Variants in HIPK3 observed in about 807,000 individuals in gnomAD.
The protein encoded by HIPK3 is homeodomain-interacting protein kinase 3.
A neutral mutation model predicts 124.2 loss-of-function variants in HIPK3; 47 were observed. The ratio of observed to expected loss-of-function variants is 0.38; its 90% confidence interval spans 0.30 to 0.48. The LOEUF (loss-of-function observed/expected upper bound fraction) is 0.48. Among genes scored for constraint, HIPK3 ranks in the 20% least tolerant of loss-of-function variants. HIPK3 has a pLI of 0.98. For missense variants in HIPK3, 1,286 were observed against 1,454.3 expected (o/e 0.88, Z 1.88); for synonymous variants, 482 against 515.2 (o/e 0.94, Z 0.87).
At chr11:33,284,980 G>C (rs1851509954) in intron 1 of HIPK3, among the ~76,000 whole-genome samples, 1 of 152,198 alleles carries the variant, frequency 6.6e-6, no homozygotes, top group African/African-American at 2.4e-5. Context: ...AGTTCCTATA[G>C]ATAGGTCAGC....
At chr11:33,310,286 T>TATCTATCTATCTATCTATC (rs1251002056) in intron 2 of HIPK3, among the ~76,000 whole-genome samples, 13 of 150,628 alleles carry the variant, frequency 8.6e-5, no homozygotes, top group Non-Finnish European at 1.9e-4. Flanking sequence ...CTATCTTATC[T>TATCTATCTATCTATCTATC]ATCTATCTAT....
At chr11:33,267,687 G>C (rs1466639972) in intron 1 of HIPK3, among the ~76,000 whole-genome samples, 1 of 151,008 alleles carries the variant, frequency 6.6e-6, no homozygotes, top group Non-Finnish European at 1.5e-5. Context: ...TAGTAGAGAT[G>C]GGGTTTCACT....
chr11:33,322,871 ATAT>A (rs1852705971), intron 2 of HIPK3, among the ~76,000 whole-genome samples: 1 of 152,076 alleles, frequency 6.6e-6, no homozygotes, highest in African/African-American at 2.4e-5. Context: ...TCCTTTTTGA[ATAT>A]ATGTTCCATC....
In HIPK3 at chr11:33,348,635, A is replaced by T. The variant is rs969330215; in HGVS notation, c.2483A>T (p.Asn828Ile). 2 of 1,614,092 alleles carry T rather than the reference A, an allele frequency of 1.2e-6. No homozygotes were observed. The highest frequency in any genetic ancestry group is 1.3e-5 in the African/African-American group (1 of 74,938). The change falls in exon 13 of 17, where the codon AAC becomes ATC. Residue 828 changes from asparagine (N) to isoleucine (I), a missense_variant. Physicochemically the swap from Asn to Ile is moderately radical, Grantham distance 149. This residue lies in a region of HIPK3 where 810 missense variants were observed against 864.9 expected (regional missense o/e 0.94). Transcript: ENST00000303296. ...TGTATAGAAACACAGGACAATCAGA[A>T]CTCAGAAGGAGAGGCAAGAAATTGC... ...VSCIETQDNQ[N>I]SEGEARNCCE...
At position 33,353,767 on chromosome 11, in the gene HIPK3, C is replaced by G; in HGVS notation, c.*199C>G. The G allele has an allele frequency of 1.9e-6, 1 of 535,876 alleles. No homozygotes were observed. Among genetic ancestry groups the G allele is most frequent in the Non-Finnish European group, 3.4e-6 (1 of 297,700 alleles). The allele number at this position is 535,876 out of a possible 1,614,324, so 33.2% of individuals were successfully genotyped here. A position where few individuals can be genotyped will look rare whatever the true frequency, so the allele number is the denominator to read the frequency against. ...TATAACTTGTCTTTGGTCATGTTAT[C>G]TTCTTATGTAGTAACTCTAGACAGG... On this transcript the variant is annotated 3_prime_UTR_variant, in exon 17 of 17. Transcript: ENST00000303296.
rs1853567173 is a variant in HIPK3 at position 33,348,609 on chromosome 11, T to TCGAGGA, written c.2457_2458insCGAGGA (p.Ser819_Cys820insArgGly). ...ATGGGAAAGATGTCGAGGAAGTAAG[T>TCGAGGA]TGTATAGAAACACAGGACAATCAGA... On this transcript the variant is annotated inframe_insertion, in exon 13 of 17. Coordinates refer to ENST00000303296, the MANE Select transcript of HIPK3 (RefSeq NM_005734.5). 1 of 1,613,930 alleles carries TCGAGGA rather than the reference T, an allele frequency of 6.2e-7. No individual in the cohort carries two copies. Among genetic ancestry groups the TCGAGGA allele is most frequent in the African/African-American group, 1.3e-5 (1 of 74,946 alleles).
chr11:33,343,317 GT>G (rs1184817696), intron 8 of HIPK3, among the ~76,000 whole-genome samples: 3 of 150,262 alleles, frequency 2.0e-5, no homozygotes, highest in African/African-American at 7.4e-5. Flanking sequence ...GTCTTGCTCT[GT>G]TGCCCAGGCT....
chr11:33,265,637 GGTGGTGTGCACCT>G (rs1850934333), intron 1 of HIPK3, among the ~76,000 whole-genome samples: 1 of 151,886 alleles, frequency 6.6e-6, no homozygotes, highest in African/African-American at 2.4e-5. Context: ...AGCTGGGCAT[GGTGGTGTGCACCT>G]GTAGCCCCAG....
At chr11:33,267,163 C>G (rs1850988935) in intron 1 of HIPK3, among the ~76,000 whole-genome samples, 1 of 151,958 alleles carries the variant, frequency 6.6e-6, no homozygotes, top group Non-Finnish European at 1.5e-5. Flanking sequence ...TGCTCTGTCC[C>G]CCAGGCTAGA....
intron 2 of HIPK3, among the ~76,000 whole-genome samples, chr11:33,316,544 TG>T (rs1852509111): frequency 1.3e-5 from 2 of 152,286 alleles, no homozygotes; most frequent in South Asian, 4.1e-4. Context: ...TGTTCCTGGC[TG>T]GGCATGGTGG....
intron 2 of HIPK3, among the ~76,000 whole-genome samples, chr11:33,297,939 A>C (rs1851887630): frequency 6.6e-6 from 1 of 151,832 alleles, no homozygotes; most frequent in Non-Finnish European, 1.5e-5. Flanking sequence ...ACAGGGGCGC[A>C]CTACCATGCC....
rs1169498647 is a variant in HIPK3 at position 33,257,666 on chromosome 11, G to GAGC, written c.-207_-205dup. ...AGACGGGCCCGGCGCTTAGCAGCCA[G>GAGC]AGCAGCAGCAGCAGCAGCAGCGGTC... On this transcript the variant is annotated 5_prime_UTR_variant, in exon 1 of 17. Coordinates refer to ENST00000303296, the MANE Select transcript of HIPK3 (RefSeq NM_005734.5). 2,569 of 993,966 alleles carry GAGC rather than the reference G, an allele frequency of 2.6e-3. 41 individuals are homozygous for GAGC. In the African/African-American group the frequency reaches 0.037, roughly 14 times the overall value. 61.6% of individuals were successfully genotyped at this position (993,966 alleles called of 1,614,324 possible). A position where few individuals can be genotyped will look rare whatever the true frequency, so the allele number is the denominator to read the frequency against.
Position 33,348,752 on chromosome 11 carries a change from T to C in HIPK3, c.2600T>C (p.Val867Ala), listed in dbSNP as rs1343752915. 1.9e-6 allele frequency: 3 copies of C among 1,614,024 alleles called. No individual in the cohort carries two copies. The South Asian group carries it at 3.3e-5, about 18-fold the overall frequency. The change falls in exon 13 of 17, where the codon GTG becomes GCG. Residue 867 changes from valine (V) to alanine (A), a missense_variant. Physicochemically the swap from Val to Ala is moderately conservative, Grantham distance 64 (BLOSUM62 0). Around this residue, in one of 3 missense-constraint regions of HIPK3, gnomAD observed 810 missense variants for 864.9 expected, o/e 0.94. Transcript: ENST00000303296. ...IIIADSPSPAVSVITISSDTD... is the reference protein window; with the variant it reads ...IIIADSPSPAASVITISSDTD... The stretch of plus-strand genomic sequence containing the variant: ...ATTGCCGACTCCCCGAGTCCTGCAG[T>C]GAGTGTCATCACTATCAGCAGTGAC...
At chr11:33,319,443 C>A (rs536331995) in intron 2 of HIPK3, among the ~76,000 whole-genome samples, 40 of 151,826 alleles carry the variant, frequency 2.6e-4, no homozygotes, top group African/African-American at 7.5e-4. Context: ...TTGCAGTGAG[C>A]CGAGATTGTG....
At chr11:33,274,612 C>A (rs532665379) in intron 1 of HIPK3, among the ~76,000 whole-genome samples, 7 of 152,180 alleles carry the variant, frequency 4.6e-5, no homozygotes, top group African/African-American at 1.7e-4. Flanking sequence ...AACTTTTTGT[C>A]TTTAGTCAAC....
At chr11:33,323,493 T>A (rs1401392291) in intron 2 of HIPK3, among the ~76,000 whole-genome samples, 2 of 152,176 alleles carry the variant, frequency 1.3e-5, no homozygotes, top group Non-Finnish European at 2.9e-5. Flanking sequence ...TCCTCCCGGC[T>A]TAGCCTCCAA....
chr11:33,257,856 G>T lies in HIPK3; in HGVS notation c.-36G>T, dbSNP rs948257316. Reference sequence around the variant, plus strand: ...CCCGGACATGCTCAGGGCTGCGGCCGCCCGAAGAGGAGAGAGCGCGGGCCT... The same window carrying T: ...CCCGGACATGCTCAGGGCTGCGGCCTCCCGAAGAGGAGAGAGCGCGGGCCT... On this transcript the variant is annotated 5_prime_UTR_variant, in exon 1 of 17. Transcript: ENST00000303296. 3.0e-6 allele frequency: 3 copies of T among 985,552 alleles called. No individual in the cohort carries two copies. The highest frequency in any genetic ancestry group is 2.4e-6 in the Non-Finnish European group (2 of 830,142). 61.1% of individuals were successfully genotyped at this position (985,552 alleles called of 1,614,324 possible).
intron 1 of HIPK3, among the ~76,000 whole-genome samples, chr11:33,267,589 A>G (rs1220746011): frequency 1.3e-5 from 2 of 151,200 alleles, no homozygotes; most frequent in Non-Finnish European, 2.9e-5. Context: ...TCTGCCTCCC[A>G]GGTTCACGCC....
chr11:33,286,488 A>G lies in HIPK3; in HGVS notation c.74A>G (p.Lys25Arg). 1 of 1,613,802 alleles carries G rather than the reference A, an allele frequency of 6.2e-7. No homozygotes were observed. Among genetic ancestry groups the G allele is most frequent in the East Asian group, 2.2e-5 (1 of 44,868 alleles). ...TQSSAFCSVK[K>R]LKVEPSSCVF... ...TCAAGTGCCTTTTGTAGTGTGAAGA[A>G]ACTCAAAGTAGAGCCAAGCAGTTGT... is the stretch of plus-strand genomic sequence containing the variant. The change falls in exon 2 of 17, where the codon AAA (lysine) becomes AGA (arginine). Residue 25 changes from lysine (K) to arginine (R), a missense_variant. Coordinates refer to ENST00000303296, the MANE Select transcript of HIPK3 (RefSeq NM_005734.5).
Sources: gnomAD v4.1 joint callset for allele counts (sites outside exome capture counted in the v4.1 genomes callset) on GRCh38, gnomAD v4.1.1 for gene constraint, gnomAD v4.1.1 regional missense constraint, MANE v1.5 for transcripts, NCBI Gene and HGNC (gene_info 2026-07-23, HGNC 2026-07-21) for gene names.